The following CMTR1 variants were observed in gnomAD, a reference collection of about 807,000 sequenced individuals.
CMTR1 encodes the protein cap-specific mRNA (nucleoside-2'-O-)-methyltransferase 1.
CMTR1 carries 39 observed loss-of-function variants against 107.0 expected under a neutral mutation model. The observed-to-expected ratio is 0.36, with a 90% CI of 0.28 to 0.48. The LOEUF is 0.48. Ranked by LOEUF, CMTR1 falls within the 20% of genes least tolerant of loss-of-function variation. The pLI, the probability that CMTR1 is intolerant of heterozygous loss-of-function variation, is 0.99. For synonymous variants in CMTR1, 366 were observed against 379.5 expected, an observed-to-expected ratio of 0.96 and a Z score of 0.41; for missense variants, 672 against 1,064.9, an observed-to-expected ratio of 0.63 and a Z score of 5.14.
intron 14 of CMTR1, 70 bp downstream of exon 14, chr6:37,471,147 G>GT: frequency 7.1e-7 from 1 of 1,399,980 alleles, no homozygotes; most frequent in Non-Finnish European, 9.8e-7. Flanking sequence ...CCCACAAGCT[G>GT]TTTGTTTTTT....
intron 13 of CMTR1, 67 bp downstream of exon 13, chr6:37,463,075 T>C: frequency 6.7e-7 from 1 of 1,491,022 alleles, no homozygotes; most frequent in African/African-American, 1.4e-5. Flanking sequence ...AGTGAAAGAC[T>C]GAATGGTTGG....
intron 19 of CMTR1, 55 bp from the exon 20 acceptor site, chr6:37,476,071 G>C: frequency 6.4e-7 from 1 of 1,554,928 alleles, no homozygotes; most frequent in East Asian, 2.2e-5. Flanking sequence ...TGGGGGTAGG[G>C]GTGCTGGTGG....
intron 8 of CMTR1, among the ~76,000 whole-genome samples, chr6:37,457,479 A>C (rs964545510): frequency 5.9e-5 from 9 of 152,148 alleles, no homozygotes; most frequent in African/African-American, 1.9e-4. Context: ...AAGGAGAGAG[A>C]CCAAATGCAG....
chr6:37,481,475 A>G lies in CMTR1; in HGVS notation c.*1330A>G, dbSNP rs1041182436. 2 of 1,117,326 alleles carry G rather than the reference A, an allele frequency of 1.8e-6. No homozygotes were observed. The highest frequency in any genetic ancestry group is 9.0e-5 in the Admixed American group (2 of 22,106). The allele number at this position is 1,117,326 out of a possible 1,614,324, so 69.2% of individuals were successfully genotyped here. A position where few individuals can be genotyped will look rare whatever the true frequency, so the allele number is the denominator to read the frequency against. The stretch of plus-strand genomic sequence containing the variant: ...CTGGGTATATCAGTGTGTCTTGCAG[A>G]ATCTTGGATCATTAAAGATAAACAT... On this transcript the variant is annotated 3_prime_UTR_variant, in exon 24 of 24. Coordinates refer to ENST00000373451, the MANE Select transcript of CMTR1 (RefSeq NM_015050.3).
At chr6:37,463,824 GC>G (rs1445395535) in intron 13 of CMTR1, among the ~76,000 whole-genome samples, 1 of 152,138 alleles carries the variant, frequency 6.6e-6, no homozygotes, top group Non-Finnish European at 1.5e-5. Flanking sequence ...TGCCATATAA[GC>G]GCCCTCATTT....
intron 20 of CMTR1, among the ~76,000 whole-genome samples, chr6:37,477,004 T>A (rs1029343546): frequency 3.4e-5 from 5 of 147,870 alleles, no homozygotes; most frequent in Admixed American, 6.7e-5. Context: ...CTGCCTTCAT[T>A]GCTTGTGGTT....
In CMTR1 at chr6:37,480,938, CT is replaced by C; in HGVS notation, c.*796del. 8.1e-7 allele frequency: 1 copy of C among 1,232,028 alleles called. No individual in the cohort carries two copies. Among genetic ancestry groups the C allele is most frequent in the Non-Finnish European group, 1.0e-6 (1 of 962,606 alleles). 76.3% of individuals were successfully genotyped at this position (1,232,028 alleles called of 1,614,324 possible). A position where few individuals can be genotyped will look rare whatever the true frequency, so the allele number is the denominator to read the frequency against. On this transcript the variant is annotated 3_prime_UTR_variant, in exon 24 of 24. Coordinates refer to ENST00000373451, the MANE Select transcript of CMTR1 (RefSeq NM_015050.3). ...GCAGGAAGCAGCCTTGAAGACCCGTCTTTCCCCCACAGCAGCAGGGGCCCCA... is the reference window on the plus strand; with the variant it reads ...GCAGGAAGCAGCCTTGAAGACCCGTCTTCCCCCACAGCAGCAGGGGCCCCA...
chr6:37,426,632 C>T, the CMTR1 span, among the ~76,000 whole-genome samples: 2,165 of 152,082 alleles, frequency 0.014, 20 homozygotes, highest in Non-Finnish European at 0.021. Context: ...CTCCCAGGTT[C>T]AAGCTATCCT....
the CMTR1 span, among the ~76,000 whole-genome samples, chr6:37,424,211 C>T: frequency 5.3e-5 from 8 of 151,706 alleles, no homozygotes; most frequent in Admixed American, 2.6e-4. Flanking sequence ...TGAGGACTCC[C>T]GTACCCTCAC....
chr6:37,437,937 G>T (rs1771575709), intron 2 of CMTR1, among the ~76,000 whole-genome samples: 1 of 152,148 alleles, frequency 6.6e-6, no homozygotes, highest in Admixed American at 6.5e-5. Flanking sequence ...GTAAAAGAAG[G>T]TAAGTGTATA....
intron 3 of CMTR1, among the ~76,000 whole-genome samples, chr6:37,445,484 C>CTTTTTTTT (rs370310831): frequency 6.4e-5 from 7 of 109,194 alleles, no homozygotes; most frequent in African/African-American, 2.6e-4. Context: ...CATACCTCAC[C>CTTTTTTTT]TTTTTTTTTT....
chr6:37,468,332 CTACTT>C (rs1307899007), intron 13 of CMTR1, among the ~76,000 whole-genome samples: 3 of 151,966 alleles, frequency 2.0e-5, no homozygotes, highest in Admixed American at 1.3e-4. Context: ...TATATAAACT[CTACTT>C]TATATTGTTA....
chr6:37,449,915 C>A (rs1295365385), intron 4 of CMTR1, among the ~76,000 whole-genome samples: 1 of 152,180 alleles, frequency 6.6e-6, no homozygotes. Context: ...TGATTGCAAA[C>A]CCCTTTTGCC....
intron 13 of CMTR1, among the ~76,000 whole-genome samples, chr6:37,470,597 C>T (rs1195056937): frequency 2.0e-5 from 3 of 152,124 alleles, no homozygotes; most frequent in South Asian, 2.1e-4. Flanking sequence ...CTTGCTTCAT[C>T]GTATGCCTCA....
chr6:37,450,137 C>T (rs1771918121), intron 4 of CMTR1, 114 bp from the exon 5 acceptor site: 1 of 827,886 alleles, frequency 1.2e-6, no homozygotes, highest in Admixed American at 2.3e-5. Flanking sequence ...GCAACCTGCA[C>T]CCTTCTCGGT....
At position 37,480,727 on chromosome 6, in the gene CMTR1, C is replaced by T; in HGVS notation, c.*582C>T. On this transcript the variant is annotated 3_prime_UTR_variant, in exon 24 of 24. Transcript: ENST00000373451. Reference sequence around the variant, plus strand: ...CCTTCCCCCACTCATCCTGGCCTTCCCTGGAGTTCTTCCTAGCCCAGAGCT... The same window carrying T: ...CCTTCCCCCACTCATCCTGGCCTTCTCTGGAGTTCTTCCTAGCCCAGAGCT... The T allele has an allele frequency of 9.6e-7, 1 of 1,037,390 alleles. No individual in the cohort carries two copies. Among genetic ancestry groups the T allele is most frequent in the Non-Finnish European group, 1.2e-6 (1 of 863,108 alleles). The allele number at this position is 1,037,390 out of a possible 1,614,324, so 64.3% of individuals were successfully genotyped here.
At chr6:37,460,186 A>G (rs1332913051) in intron 10 of CMTR1, among the ~76,000 whole-genome samples, 1 of 152,240 alleles carries the variant, frequency 6.6e-6, no homozygotes, top group Non-Finnish European at 1.5e-5. Context: ...GAGGAAGGAC[A>G]GACAATTTGG....
In CMTR1 at chr6:37,434,996, A is replaced by G. The variant is rs550679595; in HGVS notation, c.-6-628A>G. On this transcript the variant is annotated intron_variant, in intron 1 of 23. Coordinates refer to ENST00000373451, the MANE Select transcript of CMTR1 (RefSeq NM_015050.3). ...TGAGTTCTGTGGTATAGCTACCTCCAGTCCCAATAACTTTCCCGCTCTTGT... is the reference window on the plus strand; with the variant it reads ...TGAGTTCTGTGGTATAGCTACCTCCGGTCCCAATAACTTTCCCGCTCTTGT... Among the ~76,000 whole-genome samples the G allele has an allele frequency of 2.0e-5, 3 of 152,320 alleles. No individual in the cohort carries two copies. In the East Asian group the frequency reaches 5.8e-4, roughly 29 times the overall value.
intron 23 of CMTR1, 106 bp downstream of exon 23, chr6:37,479,361 C>T: frequency 3.7e-6 from 3 of 816,652 alleles, no homozygotes; most frequent in South Asian, 1.4e-5. Context: ...AGACTGTTGC[C>T]CATGCAGGGG....
Sources: gnomAD v4.1 joint callset for allele counts (sites outside exome capture counted in the v4.1 genomes callset) on GRCh38, gnomAD v4.1.1 for gene constraint, MANE v1.5 for transcripts, NCBI Gene and HGNC (gene_info 2026-07-23, HGNC 2026-07-21) for gene names.